Variants in ZSCAN31 observed in about 807,000 individuals in gnomAD.
The protein encoded by ZSCAN31 is zinc finger and SCAN domain containing 31, also known as zinc finger and SCAN domain-containing protein 31.
A neutral mutation model predicts 22.5 loss-of-function variants in ZSCAN31; 14 were observed. That is an observed-to-expected ratio of 0.62 (90% CI 0.41 to 0.97). The LOEUF (loss-of-function observed/expected upper bound fraction) is 0.97. Ranked by LOEUF, ZSCAN31 falls within the 50% of genes least tolerant of loss-of-function variation. The pLI is 0.00. For synonymous variants in ZSCAN31, 168 were observed against 169.8 expected (o/e 0.99, Z 0.08); for missense variants, 424 against 483.4 (o/e 0.88, Z 1.15).
chr6:28,350,585 G>A (rs1764933094), intron 2 of ZSCAN31, among the ~76,000 whole-genome samples: 1 of 152,144 alleles, frequency 6.6e-6, no homozygotes, highest in Non-Finnish European at 1.5e-5. Flanking sequence ...GGGTTGTTGT[G>A]AGGATTGAAT....
Position 28,327,549 on chromosome 6 carries a change from C to T in ZSCAN31, c.382-16G>A, listed in dbSNP as rs375936981. ...GGTCTGGAGCCTGAAGGCAGGTAGG[C>T]ATATTTGGTTAAAGAGGGGGATTAT... On this transcript the variant is annotated splice_polypyrimidine_tract_variant and intron_variant, in intron 2 of 3. Transcript: ENST00000344279. 5.0e-6 allele frequency: 8 copies of T among 1,610,154 alleles called. No individual in the cohort carries two copies. The highest frequency in any genetic ancestry group is 2.7e-5 in the African/African-American group (2 of 74,862).
chr6:28,345,818 C>T (rs146007287), intron 2 of ZSCAN31, among the ~76,000 whole-genome samples: 150 of 152,286 alleles, frequency 9.8e-4, no homozygotes, highest in Admixed American at 2.5e-3. Flanking sequence ...AATGGAACAA[C>T]CTTTGAAAGC....
chr6:28,336,279 A>C (rs932214283), upstream of ZSCAN31: 12 of 152,212 alleles, frequency 7.9e-5, no homozygotes, highest in African/African-American at 2.9e-4. Flanking sequence ...CAAAAATCCC[A>C]GTCCCACTGG....
rs1467293597 is a variant in ZSCAN31 at position 28,333,007 on chromosome 6, G to C, written c.-96+3075C>G. Among the ~76,000 whole-genome samples, 1 of 152,236 alleles carries C rather than the reference G, an allele frequency of 6.6e-6. No individual in the cohort carries two copies. The highest frequency in any genetic ancestry group is 1.5e-5 in the Non-Finnish European group (1 of 68,048). Reference sequence around the variant, plus strand: ...CTACAAATACAAGACAAAAATCTCAGTGGACCAGAAACACAAACACAGAGT... The same window carrying C: ...CTACAAATACAAGACAAAAATCTCACTGGACCAGAAACACAAACACAGAGT... On this transcript the variant is annotated intron_variant, in intron 1 of 3. Transcript: ENST00000344279. This position sits in a 1 kb window ranked among gnomAD's most constrained non-coding sequence, Gnocchi z 4.1.
At chr6:28,327,651 G>A (rs1466893985) in intron 2 of ZSCAN31, 118 bp from the exon 3 acceptor site, 18 of 1,179,126 alleles carry the variant, frequency 1.5e-5, no homozygotes, top group Non-Finnish European at 2.0e-5. Context: ...TGTCACAGTG[G>A]AAGGACCAGA....
upstream of ZSCAN31, among the ~76,000 whole-genome samples, chr6:28,340,144 T>C (rs1179185675): frequency 1.3e-5 from 2 of 152,256 alleles, no homozygotes; most frequent in Non-Finnish European, 2.9e-5. Flanking sequence ...GTTACAGTAA[T>C]TACAATACCC....
rs1462300006 is a variant in ZSCAN31 at position 28,331,842 on chromosome 6, C to G, written c.-95-2064G>C. ...TTTTTTTGTTTTTTGTTTTCTTGAT[C>G]ACTACAGGCAATCTCTCACATACCC... On this transcript the variant is annotated intron_variant, in intron 1 of 3. Coordinates refer to ENST00000344279, the MANE Select transcript of ZSCAN31 (RefSeq NM_030899.5). The surrounding 1 kb of genome is among the most constrained non-coding windows in gnomAD (Gnocchi z 4.8). Among the ~76,000 whole-genome samples, 1 of 152,102 alleles carries G rather than the reference C, an allele frequency of 6.6e-6. No individual in the cohort carries two copies. Among genetic ancestry groups the G allele is most frequent in the Non-Finnish European group, 1.5e-5 (1 of 68,014 alleles).
rs1425990699 is a variant in ZSCAN31, at chr6:28,349,904, G to A, written c.-371+3958C>T. 6.6e-6 allele frequency: 1 copy of A among 152,234 alleles called. No individual in the cohort carries two copies. The highest frequency in any genetic ancestry group is 1.5e-5 in the Non-Finnish European group (1 of 68,062). 9.4% of individuals were successfully genotyped at this position (152,234 alleles called of 1,614,324 possible). A position where few individuals can be genotyped will look rare whatever the true frequency, so the allele number is the denominator to read the frequency against. ...AGAGTCTGTCAGGGAGGTGGCTAGA[G>A]AGGCCCGGAAGTGGCTTCTGTGCCC... On this transcript the variant is annotated intron_variant, in intron 2 of 7. Coordinates refer to the ZSCAN31 transcript ENST00000396838. The surrounding 1 kb of genome is among the most constrained non-coding windows in gnomAD (Gnocchi z 4.1).
In ZSCAN31 at chr6:28,326,352, G is replaced by C; in HGVS notation, c.1035C>G (p.His345Gln). ...SSCLVQHQRI[H>Q]TGEKRYQCRE... ...GACACTGATAGCGCTTCTCTCCAGTGTGTATCCTCTGATGCTGAACAAGGC... is the reference window on the plus strand; with the variant it reads ...GACACTGATAGCGCTTCTCTCCAGTCTGTATCCTCTGATGCTGAACAAGGC... The change falls in exon 4 of 4, where the codon CAC becomes CAG. Residue 345 changes from histidine to glutamine, a missense_variant. By Grantham distance (24) the His-to-Gln change is conservative (BLOSUM62 0). Transcript: ENST00000344279. The C allele has an allele frequency of 6.2e-7, 1 of 1,614,250 alleles. No individual in the cohort carries two copies. The highest frequency in any genetic ancestry group is 8.5e-7 in the Non-Finnish European group (1 of 1,180,040).
Position 28,329,384 on chromosome 6 carries a change from C to T in ZSCAN31, c.300G>A (p.Arg100=). ...ILPEELQAWV[R]EHHPESGEEA... Reference sequence around the variant, plus strand: ...CCTCCCCACTCTCCGGATGGTGCTCCCGCACCCAGGCCTGGAGCTCCTCAG... The same window carrying T: ...CCTCCCCACTCTCCGGATGGTGCTCTCGCACCCAGGCCTGGAGCTCCTCAG... The change falls in exon 2 of 4, where the codon CGG becomes CGA. Residue 100 remains arginine (R), a synonymous_variant. Coordinates refer to ENST00000344279, the MANE Select transcript of ZSCAN31 (RefSeq NM_030899.5). The T allele has an allele frequency of 6.2e-7, 1 of 1,614,168 alleles. No homozygotes were observed. Among genetic ancestry groups the T allele is most frequent in the Non-Finnish European group, 8.5e-7 (1 of 1,180,020 alleles).
chr6:28,332,797 T>TA (rs1344430087), intron 1 of ZSCAN31, among the ~76,000 whole-genome samples: 1 of 152,242 alleles, frequency 6.6e-6, no homozygotes, highest in Non-Finnish European at 1.5e-5. Context: ...AGCCCATCTC[T>TA]AGATACCACC....
intron 2 of ZSCAN31, chr6:28,350,332 A>C (rs1216108033): frequency 6.6e-6 from 1 of 152,240 alleles, no homozygotes; most frequent in African/African-American, 2.4e-5. Flanking sequence ...TGCATGGGTC[A>C]CATAGACAAG....
rs1447075501 is a variant in ZSCAN31, at chr6:28,347,197, T to G, written c.-370-5405A>C. Among the ~76,000 whole-genome samples, 1 of 152,234 alleles carries G rather than the reference T, an allele frequency of 6.6e-6. No individual in the cohort carries two copies. Among genetic ancestry groups the G allele is most frequent in the Non-Finnish European group, 1.5e-5 (1 of 68,046 alleles). On this transcript the variant is annotated intron_variant, in intron 2 of 7. Transcript: ENST00000396838. This position sits in a 1 kb window ranked among gnomAD's most constrained non-coding sequence, Gnocchi z 5.2. ...GCCTAGCCCTATTTCTTTAACTTCT[T>G]GTGTTATTCCTGAAAGCACAGCTCA...
intron 1 of ZSCAN31, chr6:28,353,970 A>G (rs1765240158): frequency 2.2e-6 from 1 of 454,666 alleles, no homozygotes; most frequent in Non-Finnish European, 4.4e-6. Context: ...CAGGTAAAAT[A>G]TGATTTTATT....
At chr6:28,328,612 C>G (rs966367003) in intron 2 of ZSCAN31, among the ~76,000 whole-genome samples, 3 of 152,130 alleles carry the variant, frequency 2.0e-5, no homozygotes, top group Non-Finnish European at 4.4e-5. Flanking sequence ...CAAACACACA[C>G]GCTGTACAAT....
Position 28,325,944 on chromosome 6 carries a change from A to G in ZSCAN31, c.*222T>C, listed in dbSNP as rs1175749071. 4.5e-6 allele frequency: 2 copies of G among 443,914 alleles called. No individual in the cohort carries two copies. The highest frequency in any genetic ancestry group is 1.9e-5 in the African/African-American group (1 of 51,656). The allele number at this position is 443,914 out of a possible 1,614,324, so 27.5% of individuals were successfully genotyped here. The stretch of plus-strand genomic sequence containing the variant: ...CCCCTACAATCACAGTCATCCACAC[A>G]GGAGACACCAACACCTGGTTTGTAG... On this transcript the variant is annotated 3_prime_UTR_variant, in exon 4 of 4. Coordinates refer to ENST00000344279, the MANE Select transcript of ZSCAN31 (RefSeq NM_030899.5).
At chr6:28,332,792 A>G (rs1156746832) in intron 1 of ZSCAN31, among the ~76,000 whole-genome samples, 8 of 152,252 alleles carry the variant, frequency 5.3e-5, no homozygotes, top group Admixed American at 6.5e-5. Context: ...ACTGAAGCCC[A>G]TCTCTAGATA....
chr6:28,330,715 C>T (rs1763674109), intron 1 of ZSCAN31, among the ~76,000 whole-genome samples: 2 of 152,076 alleles, frequency 1.3e-5, no homozygotes, highest in South Asian at 4.1e-4. Context: ...TATATGGTAG[C>T]TCTAGGAGGA....
At chr6:28,327,581 A>T (rs1285970391) in intron 2 of ZSCAN31, 48 bp from the exon 3 acceptor site, 2 of 1,559,216 alleles carry the variant, frequency 1.3e-6, no homozygotes. Context: ...TTATAGGAGT[A>T]CAAGCTAATA....
Sources: gnomAD v4.1 joint callset for allele counts (sites outside exome capture counted in the v4.1 genomes callset) on GRCh38, gnomAD v4.1.1 for gene constraint, Gnocchi (gnomAD v3.1) non-coding constraint, MANE v1.5 for transcripts, NCBI Gene and HGNC (gene_info 2026-07-23, HGNC 2026-07-21) for gene names.